PPP3R1: variants seen among roughly 807,000 people sequenced by gnomAD.
PPP3R1 encodes protein phosphatase 3 regulatory subunit B, alpha.
Under a neutral mutation model 22.6 loss-of-function variants are expected in PPP3R1, and 5 were observed. The observed-to-expected ratio is 0.22, with a 90% CI of 0.12 to 0.46. The LOEUF is 0.46. PPP3R1 is among the 20% of genes least tolerant of loss of function. PPP3R1 has a pLI of 0.99. For missense variants in PPP3R1, 61 were observed against 203.2 expected (o/e 0.30, Z 4.25); for synonymous variants, 56 against 65.2 (o/e 0.86, Z 0.68).
chr2:68,208,271 C>A (rs1669377920), intron 2 of PPP3R1, among the ~76,000 whole-genome samples: 1 of 152,220 alleles, frequency 6.6e-6, no homozygotes, highest in South Asian at 2.1e-4. Context: ...GTTAACTGTG[C>A]AGTAATGACT....
chr2:68,243,321 C>T (rs1010359308), intron 1 of PPP3R1, among the ~76,000 whole-genome samples: 1 of 152,102 alleles, frequency 6.6e-6, no homozygotes, highest in Admixed American at 6.5e-5. Context: ...ATAAATTAGT[C>T]AGAATTATAC....
chr2:68,218,196 C>A (rs142099245), intron 1 of PPP3R1, among the ~76,000 whole-genome samples: 3 of 152,030 alleles, frequency 2.0e-5, no homozygotes, highest in Non-Finnish European at 4.4e-5. Flanking sequence ...TTTAAGTGTA[C>A]AATTAACATG....
intron 2 of PPP3R1, among the ~76,000 whole-genome samples, chr2:68,197,123 T>C (rs1027104654): frequency 6.6e-6 from 1 of 152,172 alleles, no homozygotes; most frequent in African/African-American, 2.4e-5. Context: ...CAAATGCATA[T>C]ACCTATGGAA....
At chr2:68,186,441 C>G (rs202221677) in intron 5 of PPP3R1, 27 bp downstream of exon 5, 7 of 1,560,374 alleles carry the variant, frequency 4.5e-6, no homozygotes, top group African/African-American at 1.4e-5. Flanking sequence ...ACATAACTAA[C>G]GGAAGAACCA....
At chr2:68,225,267 C>T (rs1332503981) in intron 1 of PPP3R1, among the ~76,000 whole-genome samples, 2 of 152,082 alleles carry the variant, frequency 1.3e-5, no homozygotes, top group Non-Finnish European at 2.9e-5. Flanking sequence ...CTGTAAGAGC[C>T]CTTTAAAAGC....
At chr2:68,215,832 A>G (rs1669568450) in intron 2 of PPP3R1, among the ~76,000 whole-genome samples, 1 of 152,018 alleles carries the variant, frequency 6.6e-6, no homozygotes, top group Non-Finnish European at 1.5e-5. Flanking sequence ...GGGAAAGAGT[A>G]GAGTAGATAG....
rs754805247 is a variant in PPP3R1 at position 68,222,313 on chromosome 2, A to T, written c.4-5182T>A. ...AAACTCTAGAACAACTTAAAAAAGG[A>T]GACGAAATAAAATGGTATCATTGTG... On this transcript the variant is annotated intron_variant, in intron 1 of 5. Transcript: ENST00000234310. 4.4e-4 allele frequency among the ~76,000 whole-genome samples: 67 copies of T among 152,210 alleles called. 1 individual carries two copies. The highest frequency in any genetic ancestry group is 1.3e-4 in the Non-Finnish European group (9 of 68,030).
chr2:68,238,886 A>C (rs769789875), intron 1 of PPP3R1, among the ~76,000 whole-genome samples: 2 of 152,202 alleles, frequency 1.3e-5, no homozygotes, highest in Admixed American at 6.6e-5. Flanking sequence ...TAAAAATAAC[A>C]TGGCTTAAGG....
chr2:68,228,708 G>A (rs932050398), intron 1 of PPP3R1, among the ~76,000 whole-genome samples: 2 of 151,244 alleles, frequency 1.3e-5, no homozygotes, highest in African/African-American at 4.9e-5. Flanking sequence ...TTTTTTCTAG[G>A]TTCTTGAAGT....
At chr2:68,223,297 G>A (rs1004954607) in intron 1 of PPP3R1, among the ~76,000 whole-genome samples, 1 of 152,176 alleles carries the variant, frequency 6.6e-6, no homozygotes, top group East Asian at 1.9e-4. Flanking sequence ...TTGGGACGCT[G>A]AGGCAGAAGA....
At chr2:68,191,332 G>A (rs1349085018) in intron 2 of PPP3R1, among the ~76,000 whole-genome samples, 1 of 152,154 alleles carries the variant, frequency 6.6e-6, no homozygotes, top group African/African-American at 2.4e-5. Context: ...GAATACTGTA[G>A]GCAATTGTAA....
At chr2:68,214,041 A>C (rs1451375598) in intron 2 of PPP3R1, among the ~76,000 whole-genome samples, 4 of 152,204 alleles carry the variant, frequency 2.6e-5, no homozygotes, top group Non-Finnish European at 5.9e-5. Context: ...CAAGCAGTGC[A>C]GAAAGGACTC....
intron 2 of PPP3R1, among the ~76,000 whole-genome samples, chr2:68,198,225 A>G (rs1008148782): frequency 1.3e-4 from 15 of 119,826 alleles, no homozygotes; most frequent in East Asian, 2.6e-4. Context: ...TATACATTTT[A>G]CATATATGTA....
At chr2:68,218,960 T>C (rs1303357887) in intron 1 of PPP3R1, among the ~76,000 whole-genome samples, 1 of 152,116 alleles carries the variant, frequency 6.6e-6, no homozygotes, top group East Asian at 1.9e-4. Flanking sequence ...CCAGGGCTCC[T>C]AAGGACTTTC....
At chr2:68,236,180 T>C (rs1272850179) in intron 1 of PPP3R1, among the ~76,000 whole-genome samples, 4 of 152,222 alleles carry the variant, frequency 2.6e-5, no homozygotes, top group African/African-American at 4.8e-5. Context: ...TTTGATGATA[T>C]ACAATTTACC....
chr2:68,185,410 T>C (rs1674514776), intron 5 of PPP3R1, among the ~76,000 whole-genome samples: 1 of 146,702 alleles, frequency 6.8e-6, no homozygotes, highest in Non-Finnish European at 1.5e-5. Context: ...TCTTCATTTA[T>C]ATATTATATT....
At chr2:68,248,274 T>C (rs1056672955) in intron 1 of PPP3R1, among the ~76,000 whole-genome samples, 3 of 152,152 alleles carry the variant, frequency 2.0e-5, no homozygotes, top group African/African-American at 4.8e-5. Context: ...GTGACATTCA[T>C]CCCCAGTGTG....
intron 2 of PPP3R1, among the ~76,000 whole-genome samples, chr2:68,204,860 A>T (rs1675078347): frequency 6.6e-6 from 1 of 152,242 alleles, no homozygotes; most frequent in African/African-American, 2.4e-5. Flanking sequence ...TTATTTACTC[A>T]GCATCTGCTT....
At chr2:68,184,472 T>TG (rs1199185355) in intron 5 of PPP3R1, among the ~76,000 whole-genome samples, 3 of 152,324 alleles carry the variant, frequency 2.0e-5, no homozygotes, top group Admixed American at 2.0e-4. Context: ...TGCATTTTAT[T>TG]GGAGTTTGGG....
Sources: allele counts gnomAD v4.1 joint callset (sites outside exome capture counted in the v4.1 genomes callset), GRCh38; gene constraint gnomAD v4.1.1; transcripts MANE v1.5; gene names NCBI Gene and HGNC (gene_info 2026-07-23, HGNC 2026-07-21).